DNHD1: variants seen among roughly 807,000 people sequenced by gnomAD.
DNHD1 encodes dynein heavy chain domain-containing protein 1.
A neutral mutation model predicts 458.1 loss-of-function variants in DNHD1; 383 were observed. The observed-to-expected ratio is 0.84, with a 90% CI of 0.77 to 0.91. DNHD1 has a LOEUF of 0.91. Ranked by LOEUF, DNHD1 falls within the 40% of genes least tolerant of loss-of-function variation. The pLI is 0.00. For missense variants in DNHD1, 5,336 were observed against 5,866.1 expected, an observed-to-expected ratio of 0.91 and a Z score of 2.95; for synonymous variants, 2,203 against 2,376.9, an observed-to-expected ratio of 0.93 and a Z score of 2.13.
At chr11:6,528,417 G>A (rs1022354298) in intron 10 of DNHD1, 105 bp from the exon 11 acceptor site, 3 of 1,246,538 alleles carry the variant, frequency 2.4e-6, no homozygotes, top group African/African-American at 3.0e-5. Flanking sequence ...GTGTGTGTGT[G>A]TGTGTGTGTG....
rs1424627075 is a variant in DNHD1 at position 6,520,099 on chromosome 11, G to T, written c.1782G>T (p.Leu594Phe). ...TACAGTCTGTCAAGACCTCTGCCTT[G>T]CAGGTATTCTGAATTGGGCAGAGAG... ...GGLQSVKTSALQVVQSADLKT... is the reference protein window; with the variant it reads ...GGLQSVKTSAFQVVQSADLKT... The change falls in exon 9 of 43, where the codon TTG (leucine) becomes TTT (phenylalanine). Residue 594 changes from leucine (L) to phenylalanine (F), a missense_variant. This residue lies in a region of DNHD1 where 3,932 missense variants were observed against 4,365.6 expected (regional missense o/e 0.90). Transcript: ENST00000254579. 1.2e-6 allele frequency: 2 copies of T among 1,614,174 alleles called. No homozygotes were observed. Among genetic ancestry groups the T allele is most frequent in the Non-Finnish European group, 1.7e-6 (2 of 1,180,026 alleles).
At chr11:6,537,647 G>A (rs1852984080) in intron 14 of DNHD1, among the ~76,000 whole-genome samples, 1 of 152,180 alleles carries the variant, frequency 6.6e-6, no homozygotes, top group African/African-American at 2.4e-5. Context: ...AGAAGGTGCT[G>A]TCTGGCTAGG....
chr11:6,550,173 G>A (rs1240558760), intron 24 of DNHD1, among the ~76,000 whole-genome samples: 1 of 152,160 alleles, frequency 6.6e-6, no homozygotes, highest in African/African-American at 2.4e-5. Context: ...GTAAGATGGG[G>A]AATTTTTGCA....
chr11:6,540,337 T>C (rs1458081632), intron 18 of DNHD1, among the ~76,000 whole-genome samples: 5 of 152,248 alleles, frequency 3.3e-5, no homozygotes. Context: ...CTCCCCTTTC[T>C]GGGTACCCTC....
In DNHD1 at chr11:6,559,161, C is replaced by A; in HGVS notation, c.9417-20C>A. ...CCTTCTGCTCCTTTGGGTTTCCTCA[C>A]CAGCACATTGTATCTCCAGGGTCCA... On this transcript the variant is annotated intron_variant, in intron 27 of 42. Transcript: ENST00000254579. 1 of 1,551,652 alleles carries A rather than the reference C, an allele frequency of 6.4e-7. No individual in the cohort carries two copies. Among genetic ancestry groups the A allele is most frequent in the South Asian group, 1.2e-5 (1 of 84,054 alleles).
At position 6,565,083 on chromosome 11, in the gene DNHD1, A is replaced by C. The variant is rs1183032126; in HGVS notation, c.10756+279A>C. ...ATCCAATGTTCAGAAATCCTGGGGA[A>C]TATTTCTGTTGGCTCTGTTTGGATC... On this transcript the variant is annotated intron_variant, in intron 32 of 42. Coordinates refer to ENST00000254579, the MANE Select transcript of DNHD1 (RefSeq NM_144666.3). 2.0e-5 allele frequency among the ~76,000 whole-genome samples: 3 copies of C among 152,194 alleles called. No individual in the cohort carries two copies. The East Asian group carries it at 5.8e-4, about 29-fold the overall frequency.
intron 7 of DNHD1, among the ~76,000 whole-genome samples, chr11:6,515,508 T>A (rs1852443075): frequency 6.6e-6 from 1 of 152,210 alleles, no homozygotes; most frequent in South Asian, 2.1e-4. Flanking sequence ...GACAACTCTG[T>A]AATACGATTG....
At chr11:6,561,137 C>T (rs551392863) in intron 28 of DNHD1, among the ~76,000 whole-genome samples, 1 of 152,336 alleles carries the variant, frequency 6.6e-6, no homozygotes, top group East Asian at 1.9e-4. Flanking sequence ...ATGTTAGTTA[C>T]TATTAATATT....
rs748489500 is a variant in DNHD1 at position 6,571,328 on chromosome 11, G to T, written c.13816G>T (p.Val4606Leu). 6.2e-7 allele frequency: 1 copy of T among 1,612,530 alleles called. No individual in the cohort carries two copies. Among genetic ancestry groups the T allele is most frequent in the East Asian group, 2.2e-5 (1 of 44,862 alleles). Residue 4606 changes from valine to leucine, a missense_variant, in exon 42 of 43, where the codon GTG becomes TTG. Coordinates refer to ENST00000254579, the MANE Select transcript of DNHD1 (RefSeq NM_144666.3). This position sits in a 1 kb window ranked among gnomAD's most constrained non-coding sequence, Gnocchi z 5.0. ...LRGEAALDQN[V>L]PSSNFPGSRG... ...TGGGGAAGCTGCCCTGGACCAGAATGTGCCCAGCTCGAATTTCCCTGGTAG... is the reference window on the plus strand; with the variant it reads ...TGGGGAAGCTGCCCTGGACCAGAATTTGCCCAGCTCGAATTTCCCTGGTAG...
At chr11:6,552,428 G>T (rs903317898) in intron 24 of DNHD1, among the ~76,000 whole-genome samples, 7 of 152,072 alleles carry the variant, frequency 4.6e-5, no homozygotes, top group African/African-American at 1.7e-4. Flanking sequence ...GGAGGCTGAG[G>T]CAGGAGAATC....
In DNHD1 at chr11:6,544,840, A is replaced by G. The variant is rs968593109; in HGVS notation, c.3901A>G (p.Ile1301Val). 2 of 1,551,646 alleles carry G rather than the reference A, an allele frequency of 1.3e-6. No individual in the cohort carries two copies. Among genetic ancestry groups the G allele is most frequent in the African/African-American group, 1.4e-5 (1 of 73,166 alleles). The change falls in exon 21 of 43, where the codon ATC becomes GTC. Residue 1301 changes from isoleucine (I) to valine (V), a missense_variant. By Grantham distance (29) the Ile-to-Val change is conservative. Coordinates refer to ENST00000254579, the MANE Select transcript of DNHD1 (RefSeq NM_144666.3). ...MDDQYRTLMR[I>V]SVADPMVLSL... Reference sequence around the variant, plus strand: ...TGACCAGTATCGAACCCTGATGCGCATCTCTGTAGCTGACCCCATGGTTCT... The same window carrying G: ...TGACCAGTATCGAACCCTGATGCGCGTCTCTGTAGCTGACCCCATGGTTCT...
At chr11:6,540,412 G>A (rs1853074502) in intron 18 of DNHD1, among the ~76,000 whole-genome samples, 1 of 152,190 alleles carries the variant, frequency 6.6e-6, no homozygotes, top group Admixed American at 6.5e-5. Flanking sequence ...GCACCCTGCT[G>A]TCTGATTTTA....
Position 6,564,465 on chromosome 11 carries a change from T to G in DNHD1, c.10417T>G (p.Phe3473Val), listed in dbSNP as rs1434185785. The G allele has an allele frequency of 2.6e-6, 4 of 1,551,564 alleles. No individual in the cohort carries two copies. Among genetic ancestry groups the G allele is most frequent in the Non-Finnish European group, 3.5e-6 (4 of 1,146,996 alleles). ...CGAGTGGTTAGCTCTGTGTAGGGGC[T>G]TTCAGGAGGCTCTGGGCCCAGATGA... is the stretch of plus-strand genomic sequence containing the variant. ...LDEWLALCRG[F>V]QEALGPDDVA... The change falls in exon 32 of 43, where the codon TTT becomes GTT. Residue 3473 changes from phenylalanine to valine, a missense_variant. Coordinates refer to ENST00000254579, the MANE Select transcript of DNHD1 (RefSeq NM_144666.3).
intron 10 of DNHD1, among the ~76,000 whole-genome samples, chr11:6,523,999 A>G (rs922262864): frequency 6.6e-6 from 1 of 152,070 alleles, no homozygotes; most frequent in African/African-American, 2.4e-5. Context: ...TTTAAAAAAA[A>G]TTTTCTCATT....
chr11:6,562,358 T>C (rs1853603784), intron 28 of DNHD1, among the ~76,000 whole-genome samples: 2 of 152,136 alleles, frequency 1.3e-5, no homozygotes, highest in Non-Finnish European at 2.9e-5. Flanking sequence ...GAGGGGCCTG[T>C]GAGACCCCCA....
In DNHD1 at chr11:6,571,558, C is replaced by T. The variant is rs1853852609; in HGVS notation, c.13912-78C>T. The T allele has an allele frequency of 2.0e-6, 3 of 1,464,878 alleles. No homozygotes were observed. The highest frequency in any genetic ancestry group is 2.4e-5 in the Admixed American group (1 of 42,376). 90.7% of individuals were successfully genotyped at this position (1,464,878 alleles called of 1,614,324 possible). On this transcript the variant is annotated intron_variant, in intron 42 of 42. Transcript: ENST00000254579. This position sits in a 1 kb window ranked among gnomAD's most constrained non-coding sequence, Gnocchi z 5.0. The stretch of plus-strand genomic sequence containing the variant: ...CTCCGATCTCGCTTCACCACGACCT[C>T]CTACCCGCTAACCCCCACTTCCCAC...
At chr11:6,511,016 A>G (rs1256530376) in intron 6 of DNHD1, among the ~76,000 whole-genome samples, 1 of 152,218 alleles carries the variant, frequency 6.6e-6, no homozygotes, top group African/African-American at 2.4e-5. Context: ...CTCTTCTAGC[A>G]GAGAGATCAC....
chr11:6,546,310 G>A lies in DNHD1; in HGVS notation c.5371G>A (p.Glu1791Lys), dbSNP rs2134430070. 1 of 1,552,368 alleles carries A rather than the reference G, an allele frequency of 6.4e-7. No individual in the cohort carries two copies. Among genetic ancestry groups the A allele is most frequent in the Non-Finnish European group, 8.7e-7 (1 of 1,147,138 alleles). ...CCAGCTCCTTGGCAGTAGCTTCTTT[G>A]AAAAACATCACGTGTCTGTGCGCCT... is the stretch of plus-strand genomic sequence containing the variant. ...QPQLLGSSFF[E>K]KHHVSVRLGY... is the part of the protein sequence containing the mutation. Residue 1791 changes from glutamate to lysine, a missense_variant, in exon 21 of 43, where the codon GAA becomes AAA. Coordinates refer to ENST00000254579, the MANE Select transcript of DNHD1 (RefSeq NM_144666.3).
intron 7 of DNHD1, among the ~76,000 whole-genome samples, chr11:6,512,447 C>T (rs958544142): frequency 6.6e-6 from 1 of 151,818 alleles, no homozygotes; most frequent in Non-Finnish European, 1.5e-5. Context: ...TGGTCTTGAT[C>T]TCCTGACCTT....
Sources: gnomAD v4.1 joint callset for allele counts (sites outside exome capture counted in the v4.1 genomes callset) on GRCh38, gnomAD v4.1.1 for gene constraint, gnomAD v4.1.1 regional missense constraint, Gnocchi (gnomAD v3.1) non-coding constraint, MANE v1.5 for transcripts, NCBI Gene and HGNC (gene_info 2026-07-23, HGNC 2026-07-21) for gene names.